HIVEP3: variants seen among roughly 807,000 people sequenced by gnomAD.
The protein encoded by HIVEP3 is HIVEP zinc finger 3, also known as transcription factor HIVEP3.
A neutral mutation model predicts 152.8 loss-of-function variants in HIVEP3; 49 were observed. That is an observed-to-expected ratio of 0.32 (90% CI 0.26 to 0.41). HIVEP3 has a LOEUF of 0.41. HIVEP3 is among the 10% of genes least tolerant of loss of function. The pLI, the probability that HIVEP3 is intolerant of heterozygous loss-of-function variation, is 1.00. For missense variants in HIVEP3, 2,790 were observed against 3,103.3 expected (o/e 0.90, Z 2.40); for synonymous variants, 1,269 against 1,289.0 (o/e 0.98, Z 0.33).
At chr1:41,675,607 A>C (rs141419898) in intron 2 of HIVEP3, among the ~76,000 whole-genome samples, 125 of 152,282 alleles carry the variant, frequency 8.2e-4, no homozygotes, top group African/African-American at 2.8e-3. Context: ...AGTAGCTGTG[A>C]CCCACATGGA....
chr1:41,520,724 T>G (rs988998685), intron 6 of HIVEP3, among the ~76,000 whole-genome samples: 3 of 152,188 alleles, frequency 2.0e-5, no homozygotes, highest in Non-Finnish European at 4.4e-5. Flanking sequence ...ACACAATGGG[T>G]GTACAATAGC....
intron 3 of HIVEP3, among the ~76,000 whole-genome samples, chr1:41,595,148 C>T (rs546943652): frequency 6.6e-6 from 1 of 152,326 alleles, no homozygotes; most frequent in East Asian, 1.9e-4. Flanking sequence ...TACTTTTCTA[C>T]TGGCATTTGG....
At chr1:41,805,707 A>G (rs899481159) in intron 1 of HIVEP3, among the ~76,000 whole-genome samples, 14 of 152,208 alleles carry the variant, frequency 9.2e-5, no homozygotes, top group Admixed American at 6.5e-4. Context: ...GTGTTCTTCC[A>G]TTTTAAAATG....
chr1:41,528,726 T>C (rs575759886), intron 5 of HIVEP3, among the ~76,000 whole-genome samples: 2 of 68,946 alleles, frequency 2.9e-5, no homozygotes, highest in East Asian at 9.4e-4. Context: ...ACCCTCACAC[T>C]CATCCTCACA....
intron 2 of HIVEP3, among the ~76,000 whole-genome samples, chr1:41,666,281 G>T (rs182912428): frequency 5.1e-4 from 77 of 152,280 alleles, no homozygotes; most frequent in Non-Finnish European, 1.0e-3. Context: ...CAGTCCTCCA[G>T]ACTCAGTTCC....
chr1:41,831,095 G>A (rs542198379), intron 1 of HIVEP3, among the ~76,000 whole-genome samples: 136 of 152,280 alleles, frequency 8.9e-4, no homozygotes, highest in African/African-American at 3.2e-3. Flanking sequence ...ACATGAGGAT[G>A]TGAACTGCAG....
intron 3 of HIVEP3, among the ~76,000 whole-genome samples, chr1:41,603,496 A>C (rs1233079007): frequency 5.9e-5 from 9 of 151,960 alleles, no homozygotes; most frequent in African/African-American, 2.2e-4. Flanking sequence ...AGCAGCTGGG[A>C]TTACAGGCAC....
chr1:41,735,525 A>C (rs1001636564), intron 1 of HIVEP3, among the ~76,000 whole-genome samples: 2 of 152,168 alleles, frequency 1.3e-5, no homozygotes, highest in Non-Finnish European at 2.9e-5. Context: ...TGTCACCCAG[A>C]GCTCATTCAC....
chr1:41,631,895 TAC>T (rs1645200765), intron 2 of HIVEP3, among the ~76,000 whole-genome samples: 1 of 152,318 alleles, frequency 6.6e-6, no homozygotes, highest in South Asian at 2.1e-4. Context: ...AAACACAATC[TAC>T]AGTTTCCTAC....
intron 5 of HIVEP3, among the ~76,000 whole-genome samples, chr1:41,563,822 G>GGGGTCC: frequency 6.6e-6 from 1 of 152,122 alleles, no homozygotes; most frequent in Middle Eastern, 3.4e-3. Context: ...AACAACTAAC[G>GGGGTCC]TTAATAGCCT....
At chr1:41,794,577 TAACA>T (rs111841874) in intron 1 of HIVEP3, among the ~76,000 whole-genome samples, 8,931 of 152,160 alleles carry the variant, frequency 0.059, 316 homozygotes, top group Middle Eastern at 0.17. Context: ...CCTCACACCC[TAACA>T]AACAAACAAA....
chr1:41,544,618 C>T (rs902957999), intron 5 of HIVEP3, among the ~76,000 whole-genome samples: 4 of 150,496 alleles, frequency 2.7e-5, no homozygotes, highest in East Asian at 2.0e-4. Context: ...ATCACCGCCA[C>T]CACTATCATC....
chr1:41,557,623 G>A (rs1643987619), intron 5 of HIVEP3, among the ~76,000 whole-genome samples: 2 of 152,026 alleles, frequency 1.3e-5, no homozygotes, highest in Non-Finnish European at 2.9e-5. Flanking sequence ...AGGTTGAGGA[G>A]TGATGGGCAG....
intron 1 of HIVEP3, among the ~76,000 whole-genome samples, chr1:41,799,495 A>G (rs1012614393): frequency 1.3e-5 from 2 of 152,178 alleles, no homozygotes; most frequent in African/African-American, 4.8e-5. Flanking sequence ...ACAAAGTCAC[A>G]CCAGCCCCAA....
At chr1:41,849,143 C>G (rs999107165) in intron 1 of HIVEP3, 1 of 152,220 alleles carries the variant, frequency 6.6e-6, no homozygotes, top group African/African-American at 2.4e-5. Context: ...TCTGGACCAT[C>G]TGGTCACCTC....
chr1:41,733,128 G>C (rs955000147), intron 1 of HIVEP3, among the ~76,000 whole-genome samples: 1 of 150,754 alleles, frequency 6.6e-6, no homozygotes, highest in Non-Finnish European at 1.5e-5. Context: ...TGATAATCCA[G>C]GTCTTTTCTG....
intron 3 of HIVEP3, among the ~76,000 whole-genome samples, chr1:41,594,758 C>G (rs549024994): frequency 1.3e-5 from 2 of 151,916 alleles, no homozygotes; most frequent in Non-Finnish European, 2.9e-5. Context: ...TAATTTTTCC[C>G]TTTATGACTT....
intron 1 of HIVEP3, among the ~76,000 whole-genome samples, chr1:41,883,785 G>A (rs915792450): frequency 1.3e-5 from 2 of 151,984 alleles, no homozygotes; most frequent in Non-Finnish European, 1.5e-5. Context: ...CCTGCCTGTC[G>A]CTGACCCCTG....
In HIVEP3 at chr1:41,511,289, G is replaced by C. The variant is rs2149046250; in HGVS notation, c.6406-23C>G. ...CTGCTGGGGTCAGAAAACAAGACAA[G>C]GTAAGGTGAAGGTTACATGCTGGGC... On this transcript the variant is annotated intron_variant, in intron 8 of 8. Coordinates refer to ENST00000372583, the MANE Select transcript of HIVEP3 (RefSeq NM_024503.5). This position sits in a 1 kb window ranked among gnomAD's most constrained non-coding sequence, Gnocchi z 4.9. The C allele has an allele frequency of 3.8e-6, 6 of 1,561,536 alleles. No homozygotes were observed. The highest frequency in any genetic ancestry group is 5.2e-6 in the Non-Finnish European group (6 of 1,151,966).
Sources: allele counts gnomAD v4.1 joint callset (sites outside exome capture counted in the v4.1 genomes callset), GRCh38; gene constraint gnomAD v4.1.1; non-coding constraint Gnocchi (gnomAD v3.1); transcripts MANE v1.5; gene names NCBI Gene and HGNC (gene_info 2026-07-23, HGNC 2026-07-21).